The following SLC25A48 variants were observed in gnomAD, a reference collection of about 807,000 sequenced individuals.
SLC25A48 encodes the protein CTC-321K16.1.
SLC25A48 carries 29 observed loss-of-function variants against 32.2 expected under a neutral mutation model. The observed-to-expected ratio is 0.90, with a 90% CI of 0.67 to 1.23. The LOEUF is 1.23. Among genes scored for constraint, SLC25A48 ranks in the 50% most tolerant of loss-of-function variants. SLC25A48 has a pLI of 0.00. For synonymous variants in SLC25A48, 164 were observed against 172.3 expected (o/e 0.95, Z 0.38); for missense variants, 399 against 422.7 (o/e 0.94, Z 0.49).
At chr5:135,863,190 A>G (rs535202822) in intron 4 of SLC25A48, among the ~76,000 whole-genome samples, 3 of 152,324 alleles carry the variant, frequency 2.0e-5, no homozygotes, top group East Asian at 1.9e-4. Flanking sequence ...GTTGGATGAC[A>G]ATGAGACAAG....
At chr5:135,766,291 G>T (rs1756224687) in intron 3 of SLC25A48, among the ~76,000 whole-genome samples, 1 of 151,560 alleles carries the variant, frequency 6.6e-6, no homozygotes, top group African/African-American at 2.4e-5. Flanking sequence ...GTGGGTGAAA[G>T]GATGATATTA....
chr5:135,657,862 G>A (rs775482907), intron 3 of SLC25A48, among the ~76,000 whole-genome samples: 2 of 152,246 alleles, frequency 1.3e-5, no homozygotes, highest in East Asian at 1.9e-4. Context: ...ACAAAAACTC[G>A]TAATTTAGAT....
At chr5:135,776,621 T>C (rs1756569163) in intron 3 of SLC25A48, among the ~76,000 whole-genome samples, 1 of 151,536 alleles carries the variant, frequency 6.6e-6, no homozygotes, top group Admixed American at 6.6e-5. Flanking sequence ...GCAGGGGATA[T>C]ACACCAGCCC....
intron 3 of SLC25A48, among the ~76,000 whole-genome samples, chr5:135,658,459 A>G (rs1753306725): frequency 6.6e-6 from 1 of 152,180 alleles, no homozygotes; most frequent in African/African-American, 2.4e-5. Flanking sequence ...AACTGCTTTC[A>G]TGTGCTGGCA....
At chr5:135,763,790 C>CACACACACACACACGA (rs1554072856) in intron 3 of SLC25A48, among the ~76,000 whole-genome samples, 3 of 151,198 alleles carry the variant, frequency 2.0e-5, no homozygotes, top group Non-Finnish European at 4.4e-5. Context: ...CACACACACA[C>CACACACACACACACGA]GAGAGAGAGA....
intron 3 of SLC25A48, among the ~76,000 whole-genome samples, chr5:135,743,940 T>G (rs932619470): frequency 1.2e-4 from 18 of 152,228 alleles, no homozygotes; most frequent in Non-Finnish European, 2.5e-4. Flanking sequence ...CTGTTAAATG[T>G]CACATTGATG....
At chr5:135,826,558 C>G (rs1343045489) in intron 4 of SLC25A48, 1 of 152,178 alleles carries the variant, frequency 6.6e-6, no homozygotes, top group Admixed American at 6.5e-5. Flanking sequence ...AAATCGTGCA[C>G]CTTGGCGCTG....
At chr5:135,785,718 G>C (rs1421288507) in intron 3 of SLC25A48, among the ~76,000 whole-genome samples, 1 of 151,264 alleles carries the variant, frequency 6.6e-6, no homozygotes, top group Non-Finnish European at 1.5e-5. Flanking sequence ...AGAGGGGAGA[G>C]GGAGAGGGTG....
intron 5 of SLC25A48, among the ~76,000 whole-genome samples, chr5:135,873,508 G>A (rs1407731034): frequency 1.3e-5 from 2 of 152,120 alleles, no homozygotes; most frequent in Non-Finnish European, 2.9e-5. Context: ...TCCTTTGTGA[G>A]CAGCCTGTCT....
chr5:135,793,754 C>A (rs928718503), intron 3 of SLC25A48, among the ~76,000 whole-genome samples: 32 of 151,662 alleles, frequency 2.1e-4, no homozygotes, highest in African/African-American at 6.8e-4. Flanking sequence ...TTTTTGTACA[C>A]CCTGGAATAT....
At chr5:135,886,588 A>AATATATATAT (rs147005349) in intron 7 of SLC25A48, among the ~76,000 whole-genome samples, 21 of 35,422 alleles carry the variant, frequency 5.9e-4, no homozygotes, top group South Asian at 8.2e-4. Context: ...TATTTAACCA[A>AATATATATAT]ATATATATAT....
At chr5:135,887,854 C>T (rs1213279147) in intron 7 of SLC25A48, among the ~76,000 whole-genome samples, 178 bp from the exon 8 acceptor site, 1 of 152,246 alleles carries the variant, frequency 6.6e-6, no homozygotes, top group Non-Finnish European at 1.5e-5. Context: ...AAAATGGCCA[C>T]ACTGGTCTCC....
intron 1 of SLC25A48, among the ~76,000 whole-genome samples, chr5:135,596,197 G>T (rs920425181): frequency 6.6e-6 from 1 of 152,176 alleles, no homozygotes; most frequent in Non-Finnish European, 1.5e-5. Flanking sequence ...TGAACATTCT[G>T]TATATTTGAT....
chr5:135,876,640 C>T (rs553504033), intron 6 of SLC25A48, among the ~76,000 whole-genome samples: 2 of 151,962 alleles, frequency 1.3e-5, no homozygotes, highest in East Asian at 1.9e-4. Flanking sequence ...AGGCAATTAC[C>T]GTAAAGTTTC....
chr5:135,620,397 G>T lies in SLC25A48; in HGVS notation c.-848-8840G>T, dbSNP rs1220580318. ...TGGGTGCTGACTTCAGTAGTCAGGGGCAGGGTGATCCCCAGGCTATAAGCA... is the reference window on the plus strand; with the variant it reads ...TGGGTGCTGACTTCAGTAGTCAGGGTCAGGGTGATCCCCAGGCTATAAGCA... On this transcript the variant is annotated intron_variant, in intron 1 of 10. Coordinates refer to the SLC25A48 transcript ENST00000646290. Among the ~76,000 whole-genome samples, 3 of 152,136 alleles carry T rather than the reference G, an allele frequency of 2.0e-5. No individual in the cohort carries two copies. The East Asian group carries it at 5.8e-4, about 29-fold the overall frequency.
intron 7 of SLC25A48, chr5:135,883,078 C>T (rs1762591878): frequency 2.0e-6 from 2 of 985,328 alleles, no homozygotes; most frequent in Non-Finnish European, 2.4e-6. Flanking sequence ...ATCCCATTAA[C>T]AGGTCAATGC....
chr5:135,607,303 A>G (rs907077851), intron 1 of SLC25A48, among the ~76,000 whole-genome samples: 1 of 152,228 alleles, frequency 6.6e-6, no homozygotes, highest in Non-Finnish European at 1.5e-5. Context: ...TCAAGTTCCA[A>G]ATAGATCTAT....
intron 7 of SLC25A48, among the ~76,000 whole-genome samples, chr5:135,887,691 G>A (rs1232993884): frequency 6.6e-6 from 1 of 151,972 alleles, no homozygotes; most frequent in African/African-American, 2.4e-5. Context: ...CCTTGGCGTT[G>A]CCCTTTTCCT....
At chr5:135,838,475 TATC>T (rs1561521008) in intron 1 of SLC25A48, among the ~76,000 whole-genome samples, 4 of 152,242 alleles carry the variant, frequency 2.6e-5, no homozygotes, top group Non-Finnish European at 5.9e-5. Flanking sequence ...GATAAATGTT[TATC>T]ACCAAGACAG....
Sources: gnomAD v4.1 joint callset for allele counts (sites outside exome capture counted in the v4.1 genomes callset) on GRCh38, gnomAD v4.1.1 for gene constraint, MANE v1.5 for transcripts, NCBI Gene and HGNC (gene_info 2026-07-23, HGNC 2026-07-21) for gene names.